The following LRRC4C variants were observed in gnomAD, a reference collection of about 807,000 sequenced individuals.
LRRC4C encodes leucine rich repeat containing 4C.
In LRRC4C, 5 loss-of-function variants were observed where a neutral mutation model predicts 33.6. The observed-to-expected ratio is 0.15, with a 90% CI of 0.08 to 0.31. The LOEUF (loss-of-function observed/expected upper bound fraction) is 0.31. Ranked by LOEUF, LRRC4C falls within the 10% of genes least tolerant of loss-of-function variation. The pLI, the probability that LRRC4C is intolerant of heterozygous loss-of-function variation, is 1.00. For synonymous variants in LRRC4C, 329 were observed against 302.0 expected (o/e 1.09, Z -0.93); for missense variants, 560 against 796.7 (o/e 0.70, Z 3.58).
At chr11:40,587,130 T>C (rs989919030) in intron 3 of LRRC4C, among the ~76,000 whole-genome samples, 10 of 152,040 alleles carry the variant, frequency 6.6e-5, no homozygotes, top group African/African-American at 1.9e-4. Flanking sequence ...TTCCATTTGT[T>C]TGTATCCTCT....
intron 3 of LRRC4C, among the ~76,000 whole-genome samples, chr11:40,609,458 A>C (rs909962985): frequency 2.0e-5 from 3 of 152,060 alleles, no homozygotes; most frequent in African/African-American, 7.2e-5. Flanking sequence ...AAAAGAAGAA[A>C]TATCTCAAAT....
chr11:41,065,463 A>G (rs1565350211), intron 1 of LRRC4C, among the ~76,000 whole-genome samples: 1 of 152,176 alleles, frequency 6.6e-6, no homozygotes, highest in Non-Finnish European at 1.5e-5. Context: ...GGGCCGGTGC[A>G]GACTCAGGTT....
At chr11:40,808,073 T>C (rs1220383646) in intron 2 of LRRC4C, among the ~76,000 whole-genome samples, 1 of 152,186 alleles carries the variant, frequency 6.6e-6, no homozygotes, top group African/African-American at 2.4e-5. Flanking sequence ...GGAAGAATAA[T>C]AGCTATATGT....
At chr11:41,322,443 A>T (rs1450311666) in intron 1 of LRRC4C, among the ~76,000 whole-genome samples, 5 of 151,932 alleles carry the variant, frequency 3.3e-5, no homozygotes, top group Non-Finnish European at 7.4e-5. Context: ...CATTCCCTTA[A>T]GCTTTTTATT....
intron 3 of LRRC4C, among the ~76,000 whole-genome samples, chr11:40,618,229 T>A (rs898222235): frequency 4.0e-5 from 6 of 150,648 alleles, no homozygotes; most frequent in Non-Finnish European, 8.9e-5. Flanking sequence ...ATGACTGATG[T>A]CTTTCTAAGT....
At chr11:41,058,376 CTG>C (rs1276973036) in intron 1 of LRRC4C, among the ~76,000 whole-genome samples, 1 of 152,238 alleles carries the variant, frequency 6.6e-6, no homozygotes, top group East Asian at 1.9e-4. Context: ...GCACATATGA[CTG>C]TGTGCAGTGG....
chr11:41,331,339 T>A (rs1951286377), intron 1 of LRRC4C, among the ~76,000 whole-genome samples: 2 of 152,180 alleles, frequency 1.3e-5, no homozygotes, highest in Non-Finnish European at 2.9e-5. Context: ...CCTAAAATTT[T>A]AATTAGTATC....
chr11:40,787,057 A>T (rs888343039), intron 2 of LRRC4C, among the ~76,000 whole-genome samples: 1 of 152,130 alleles, frequency 6.6e-6, no homozygotes, highest in African/African-American at 2.4e-5. Context: ...CTCCATGCCA[A>T]ATAAGTTTTA....
Position 41,252,519 on chromosome 11 carries a change from G to A in LRRC4C, c.-496+206912C>T, listed in dbSNP as rs554053049. On this transcript the variant is annotated intron_variant, in intron 1 of 6. Coordinates refer to ENST00000528697, the MANE Select transcript of LRRC4C (RefSeq NM_001258419.2). ...GGAAAACTTTTTAAAGTTTAGTCAAGCCAAGAAGAACATTAAAGTCTTCTC... is the reference window on the plus strand; with the variant it reads ...GGAAAACTTTTTAAAGTTTAGTCAAACCAAGAAGAACATTAAAGTCTTCTC... 2.6e-5 allele frequency among the ~76,000 whole-genome samples: 4 copies of A among 152,214 alleles called. No individual in the cohort carries two copies. The South Asian group carries it at 8.3e-4, about 32-fold the overall frequency.
At chr11:41,121,572 A>G (rs1942432994) in intron 1 of LRRC4C, among the ~76,000 whole-genome samples, 1 of 152,182 alleles carries the variant, frequency 6.6e-6, no homozygotes, top group Non-Finnish European at 1.5e-5. Context: ...AGATAATTCA[A>G]CCCAGAATAT....
At chr11:40,969,295 T>C (rs368564662) in intron 1 of LRRC4C, among the ~76,000 whole-genome samples, 7 of 137,396 alleles carry the variant, frequency 5.1e-5, no homozygotes, top group African/African-American at 1.8e-4. Context: ...GATAAATAAA[T>C]AAAGTGGTTT....
chr11:40,187,478 C>T (rs1011635457), intron 5 of LRRC4C, among the ~76,000 whole-genome samples: 3 of 151,890 alleles, frequency 2.0e-5, no homozygotes, highest in Non-Finnish European at 4.4e-5. Flanking sequence ...AAAATGGGAA[C>T]GCTGTCTACC....
chr11:40,316,091 G>GA (rs1002808036), intron 4 of LRRC4C, among the ~76,000 whole-genome samples: 3 of 151,836 alleles, frequency 2.0e-5, no homozygotes, highest in Admixed American at 1.3e-4. Context: ...ACCCAAACTG[G>GA]AAAAAGTCTA....
At chr11:40,165,789 T>C (rs1859541305) in intron 5 of LRRC4C, among the ~76,000 whole-genome samples, 1 of 151,992 alleles carries the variant, frequency 6.6e-6, no homozygotes, top group Non-Finnish European at 1.5e-5. Context: ...CTACTAAAAA[T>C]ACAAAATTAG....
At chr11:41,026,076 G>T (rs1162476101) in intron 1 of LRRC4C, among the ~76,000 whole-genome samples, 2 of 151,644 alleles carry the variant, frequency 1.3e-5, no homozygotes, top group African/African-American at 4.8e-5. Flanking sequence ...ATGGATCAAA[G>T]AATAATTTTT....
At chr11:40,162,705 G>T (rs558365900) in intron 5 of LRRC4C, among the ~76,000 whole-genome samples, 112 of 152,288 alleles carry the variant, frequency 7.4e-4, no homozygotes, top group African/African-American at 2.6e-3. Context: ...TTTACGTAAG[G>T]TATGTGATTT....
At chr11:41,221,256 A>G (rs1178318133) in intron 1 of LRRC4C, among the ~76,000 whole-genome samples, 1 of 152,036 alleles carries the variant, frequency 6.6e-6, no homozygotes, top group African/African-American at 2.4e-5. Flanking sequence ...ACACTTTTCA[A>G]AAGAAGACAT....
intron 3 of LRRC4C, among the ~76,000 whole-genome samples, chr11:40,468,076 G>A (rs1391258334): frequency 6.6e-6 from 1 of 152,140 alleles, no homozygotes; most frequent in Admixed American, 6.6e-5. Flanking sequence ...CAGTTGGGAA[G>A]CTATGTGACT....
chr11:40,780,916 C>T (rs551598872), intron 2 of LRRC4C, among the ~76,000 whole-genome samples: 68 of 151,464 alleles, frequency 4.5e-4, no homozygotes, highest in African/African-American at 1.4e-3. Context: ...GAAAGATGTG[C>T]GGAGAGAATG....
Sources: allele counts gnomAD v4.1 joint callset (sites outside exome capture counted in the v4.1 genomes callset), GRCh38; gene constraint gnomAD v4.1.1; transcripts MANE v1.5; gene names NCBI Gene and HGNC (gene_info 2026-07-23, HGNC 2026-07-21).